Variants in ATP13A5 observed in about 807,000 individuals in gnomAD.
ATP13A5 encodes ATPase 13A5.
ATP13A5 carries 149 observed loss-of-function variants against 150.2 expected under a neutral mutation model. The observed-to-expected ratio is 0.99, with a 90% CI of 0.87 to 1.14. ATP13A5 has a LOEUF of 1.14. ATP13A5 is among the 50% of genes most tolerant of loss of function. ATP13A5 has a pLI of 0.00. For synonymous variants in ATP13A5, 497 were observed against 522.2 expected (o/e 0.95, Z 0.66); for missense variants, 1,383 against 1,449.3 (o/e 0.95, Z 0.74).
chr3:193,305,163 T>C (rs974350725), intron 23 of ATP13A5, among the ~76,000 whole-genome samples: 2 of 152,220 alleles, frequency 1.3e-5, no homozygotes, highest in Admixed American at 6.5e-5. Context: ...TTTGGAGACA[T>C]GTAATAGTAT....
rs1717661703 is a variant in ATP13A5, at chr3:193,285,059, G to C, written c.3081C>G (p.Asn1027Lys). ...NFSTNVSLERNWTGNATLIPG... is the reference protein window; with the variant it reads ...NFSTNVSLERKWTGNATLIPG... Reference sequence around the variant, plus strand: ...GAATCAGAGTTGCATTTCCAGTCCAGTTTCTTTCCAAACTCACATTTGTTG... The same window carrying C: ...GAATCAGAGTTGCATTTCCAGTCCACTTTCTTTCCAAACTCACATTTGTTG... The change falls in exon 27 of 30, where the codon AAC becomes AAG. Residue 1027 changes from asparagine (N) to lysine (K), a missense_variant. Coordinates refer to ENST00000342358, the MANE Select transcript of ATP13A5 (RefSeq NM_198505.4). 2 of 1,613,904 alleles carry C rather than the reference G, an allele frequency of 1.2e-6. No homozygotes were observed. Among genetic ancestry groups the C allele is most frequent in the East Asian group, 4.5e-5 (2 of 44,850 alleles).
intron 10 of ATP13A5, 107 bp downstream of exon 10, chr3:193,334,822 T>C (rs767884422): frequency 3.7e-5 from 36 of 980,210 alleles, no homozygotes; most frequent in Non-Finnish European, 5.0e-5. Context: ...AAGCATGTTG[T>C]TACTACCAGA....
rs144816946 is a variant in ATP13A5, at chr3:193,326,936, T to C, written c.1523+60A>G. ...ATCCCTTAACACCCAAAAGATGGAT[T>C]TGAGTATCATCCAGGTAACTCCACC... On this transcript the variant is annotated intron_variant, in intron 13 of 29. Coordinates refer to ENST00000342358, the MANE Select transcript of ATP13A5 (RefSeq NM_198505.4). 893 of 1,457,340 alleles carry C rather than the reference T, an allele frequency of 6.1e-4. 1 individual carries two copies. The highest frequency in any genetic ancestry group is 7.7e-4 in the Non-Finnish European group (800 of 1,039,028). The allele number at this position is 1,457,340 out of a possible 1,614,324, so 90.3% of individuals were successfully genotyped here.
intron 25 of ATP13A5, among the ~76,000 whole-genome samples, chr3:193,295,711 G>A (rs1228630696): frequency 6.6e-6 from 1 of 152,138 alleles, no homozygotes; most frequent in African/African-American, 2.4e-5. Context: ...ATTGTGAAGA[G>A]AGATTATCGC....
chr3:193,334,986 C>T lies in ATP13A5; in HGVS notation c.1057G>A (p.Val353Ile), dbSNP rs764087441. The change falls in exon 10 of 30, where the codon GTT (valine) becomes ATT (isoleucine). Residue 353 changes from valine (V) to isoleucine (I), a missense_variant. This residue lies in a region of ATP13A5 where 787 missense variants were observed against 771.9 expected (regional missense o/e 1.02). Transcript: ENST00000342358. ...RKHVLFCGTE[V>I]IQVKPSGQGP... ...TGCCCAGAGGGCTTGACCTGGATAA[C>T]TTCTGTTCCACAGAAAAGGACGTGT... 6.8e-6 allele frequency: 11 copies of T among 1,613,844 alleles called. No individual in the cohort carries two copies. The highest frequency in any genetic ancestry group is 3.3e-5 in the Admixed American group (2 of 59,994).
At chr3:193,361,007 A>G (rs970628955) in intron 5 of ATP13A5, among the ~76,000 whole-genome samples, 1 of 152,174 alleles carries the variant, frequency 6.6e-6, no homozygotes, top group African/African-American at 2.4e-5. Context: ...ATTATGTACA[A>G]TGTTTACTGA....
intron 21 of ATP13A5, among the ~76,000 whole-genome samples, chr3:193,309,665 A>G (rs550473704): frequency 6.6e-6 from 1 of 152,064 alleles, no homozygotes; most frequent in East Asian, 1.9e-4. Flanking sequence ...TTGCTCTTTT[A>G]GAAGTCAACT....
chr3:193,356,440 A>G (rs1712793053), intron 5 of ATP13A5, among the ~76,000 whole-genome samples: 1 of 152,114 alleles, frequency 6.6e-6, no homozygotes, highest in Non-Finnish European at 1.5e-5. Flanking sequence ...GTTTTATAAA[A>G]CATACCTAAT....
intron 10 of ATP13A5, 92 bp downstream of exon 10, chr3:193,334,837 G>A (rs1472165994): frequency 1.7e-6 from 2 of 1,166,494 alleles, no homozygotes; most frequent in East Asian, 4.8e-5. Flanking sequence ...ACCAGAATGT[G>A]GCAGACTCCA....
chr3:193,352,099 A>ATTCTCTC (rs1712585951), intron 6 of ATP13A5, among the ~76,000 whole-genome samples: 2 of 152,242 alleles, frequency 1.3e-5, no homozygotes, highest in Non-Finnish European at 2.9e-5. Context: ...AACCAGTGCT[A>ATTCTCTC]TTCTCTCTTA....
intron 18 of ATP13A5, 197 bp from the exon 19 acceptor site, chr3:193,314,390 A>G (rs1385173969): frequency 3.5e-6 from 2 of 564,392 alleles, no homozygotes; most frequent in Non-Finnish European, 6.2e-6. Flanking sequence ...CATATTCTGC[A>G]TCATATCCTG....
At chr3:193,314,324 CCT>C in intron 18 of ATP13A5, 131 bp from the exon 19 acceptor site, 1 of 1,001,310 alleles carries the variant, frequency 1.0e-6, no homozygotes, top group South Asian at 1.6e-5. Flanking sequence ...ATTTTATCTT[CCT>C]CTCTGCTGTA....
At chr3:193,310,355 A>G (rs774246585) in intron 21 of ATP13A5, among the ~76,000 whole-genome samples, 2 of 152,178 alleles carry the variant, frequency 1.3e-5, no homozygotes, top group Non-Finnish European at 2.9e-5. Context: ...TTTATGGTAG[A>G]ATGATTTATA....
At chr3:193,362,813 C>CTCTCTTTCTTTCTCTCTTTCTTTCTTG (rs59105884) in intron 3 of ATP13A5, among the ~76,000 whole-genome samples, 176 bp from the exon 4 acceptor site, 2 of 111,962 alleles carry the variant, frequency 1.8e-5, no homozygotes, top group African/African-American at 3.3e-5. Context: ...TTCTTTCTTT[C>CTCTCTTTCTTTCTCTCTTTCTTTCTTG]AGACAGGGTC....
intron 25 of ATP13A5, among the ~76,000 whole-genome samples, chr3:193,291,168 T>C (rs1459234356): frequency 6.6e-6 from 1 of 151,944 alleles, no homozygotes; most frequent in Non-Finnish European, 1.5e-5. Context: ...ATAAAATGTG[T>C]TGGAATGCCT....
chr3:193,277,858 C>CT (rs1717294957), intron 28 of ATP13A5: 1 of 152,260 alleles, frequency 6.6e-6, no homozygotes, highest in Non-Finnish European at 1.5e-5. Context: ...GAGATGGAGT[C>CT]TCGCTCTCTC....
At position 193,276,834 on chromosome 3, in the gene ATP13A5, T is replaced by A; in HGVS notation, c.3316-4A>T. 1 of 1,609,398 alleles carries A rather than the reference T, an allele frequency of 6.2e-7. No individual in the cohort carries two copies. The highest frequency in any genetic ancestry group is 8.5e-7 in the Non-Finnish European group (1 of 1,176,552). On this transcript the variant is annotated splice_polypyrimidine_tract_variant and splice_region_variant and intron_variant, in intron 28 of 29. Coordinates refer to ENST00000342358, the MANE Select transcript of ATP13A5 (RefSeq NM_198505.4). The stretch of plus-strand genomic sequence containing the variant: ...ACGATGTTATGGTTGGGATCAACTG[T>A]TGAAAAACAAATACCATTATTATAT...
chr3:193,311,102 A>G (rs1353234400), intron 20 of ATP13A5, among the ~76,000 whole-genome samples: 1 of 152,204 alleles, frequency 6.6e-6, no homozygotes, highest in Non-Finnish European at 1.5e-5. Flanking sequence ...CTGAGAAACA[A>G]GGCTCTGTTC....
chr3:193,358,416 T>C (rs6765819), intron 5 of ATP13A5, among the ~76,000 whole-genome samples: 65,305 of 152,000 alleles, frequency 0.43, 14,886 homozygotes, highest in African/African-American at 0.6. Flanking sequence ...TGTGGTTGTA[T>C]AGCACAACAA....
Sources: allele counts gnomAD v4.1 joint callset (sites outside exome capture counted in the v4.1 genomes callset), GRCh38; gene constraint gnomAD v4.1.1; regional missense constraint gnomAD v4.1.1; transcripts MANE v1.5; gene names NCBI Gene and HGNC (gene_info 2026-07-23, HGNC 2026-07-21).